Variants in PRMT1 observed in about 807,000 individuals in gnomAD.
The protein encoded by PRMT1 is protein arginine methyltransferase 1.
PRMT1 carries 5 observed loss-of-function variants against 47.4 expected under a neutral mutation model. The ratio of observed to expected loss-of-function variants is 0.11; its 90% CI spans 0.06 to 0.22. PRMT1 has a LOEUF of 0.22. Ranked by LOEUF, PRMT1 falls within the 10% of genes least tolerant of loss-of-function variation. The pLI, the probability that PRMT1 is intolerant of heterozygous loss-of-function variation, is 1.00. For missense variants in PRMT1, 249 were observed against 518.4 expected, an observed-to-expected ratio of 0.48 and a Z score of 5.05; for synonymous variants, 227 against 204.6, an observed-to-expected ratio of 1.11 and a Z score of -0.94.
chr19:49,683,872 G>A (rs1445064759), intron 5 of PRMT1, 55 bp from the exon 6 acceptor site: 4 of 1,578,248 alleles, frequency 2.5e-6, no homozygotes, highest in Non-Finnish European at 3.4e-6. Flanking sequence ...CGGGGGAGGT[G>A]AGGTGAGGGG....
At position 49,685,423 on chromosome 19, in the gene PRMT1, T is replaced by C. The variant is rs1599949022; in HGVS notation, c.759+386T>C. On this transcript the variant is annotated intron_variant, in intron 8 of 10. Coordinates refer to ENST00000454376, the MANE Select transcript of PRMT1 (RefSeq NM_001536.6). This position sits in a 1 kb window ranked among gnomAD's most constrained non-coding sequence, Gnocchi z 4.7. ...CTGAGGTCCCAGCTACTCGGGAGGA[T>C]CACTTGGGCCTGGGAGTTCAAGGCT... 6.7e-6 allele frequency: 8 copies of C among 1,189,182 alleles called. No individual in the cohort carries two copies. The South Asian group carries it at 1.2e-4, about 18-fold the overall frequency. 73.7% of individuals were successfully genotyped at this position (1,189,182 alleles called of 1,614,324 possible).
In PRMT1 at chr19:49,688,446, G is replaced by C; in HGVS notation, c.*201G>C. ...ATTTACGCCAATAAATCCTCAGCTG[G>C]GGTCTGGCTTTGTTTCCTGGGGGCA... On this transcript the variant is annotated 3_prime_UTR_variant, in exon 11 of 11. Coordinates refer to ENST00000454376, the MANE Select transcript of PRMT1 (RefSeq NM_001536.6). This position sits in a 1 kb window ranked among gnomAD's most constrained non-coding sequence, Gnocchi z 5.3. 1 of 610,380 alleles carries C rather than the reference G, an allele frequency of 1.6e-6. No individual in the cohort carries two copies. The highest frequency in any genetic ancestry group is 2.8e-5 in the East Asian group (1 of 36,048). 37.8% of individuals were successfully genotyped at this position (610,380 alleles called of 1,614,324 possible).
At chr19:49,686,960 T>C (rs891452914) in intron 10 of PRMT1, among the ~76,000 whole-genome samples, 2 of 152,106 alleles carry the variant, frequency 1.3e-5, no homozygotes, top group Admixed American at 6.5e-5. Flanking sequence ...CCGGAAGTTA[T>C]GGGCCTGGGG....
chr19:49,684,632 G>A lies in PRMT1; in HGVS notation c.556-122G>A. 8.8e-7 allele frequency: 1 copy of A among 1,138,854 alleles called. No individual in the cohort carries two copies. Among genetic ancestry groups the A allele is most frequent in the South Asian group, 1.4e-5 (1 of 73,312 alleles). 70.5% of individuals were successfully genotyped at this position (1,138,854 alleles called of 1,614,324 possible). On this transcript the variant is annotated intron_variant, in intron 6 of 10. Coordinates refer to ENST00000454376, the MANE Select transcript of PRMT1 (RefSeq NM_001536.6). This position sits in a 1 kb window ranked among gnomAD's most constrained non-coding sequence, Gnocchi z 6.2. ...TGTGGGAAATAGACCAGGGGGCGAG[G>A]GGTGAGTGCCGCTGCGACATGAGGG... is the stretch of plus-strand genomic sequence containing the variant.
chr19:49,681,565 C>A lies in PRMT1; in HGVS notation c.193-345C>A, dbSNP rs1408625165. ...CCAACCTGGGCAATATGGTGAAACC[C>A]CATCTGTATGAAAAATACAAAAATT... On this transcript the variant is annotated intron_variant, in intron 3 of 10. Coordinates refer to ENST00000454376, the MANE Select transcript of PRMT1 (RefSeq NM_001536.6). The surrounding 1 kb of genome is among the most constrained non-coding windows in gnomAD (Gnocchi z 4.4). Among the ~76,000 whole-genome samples the A allele has an allele frequency of 6.6e-6, 1 of 151,962 alleles. No individual in the cohort carries two copies. Among genetic ancestry groups the A allele is most frequent in the Non-Finnish European group, 1.5e-5 (1 of 68,000 alleles).
intron 9 of PRMT1, 148 bp from the exon 10 acceptor site, chr19:49,686,457 C>T (rs2082205716): frequency 2.5e-6 from 3 of 1,181,624 alleles, no homozygotes; most frequent in Admixed American, 2.8e-5. Context: ...GACACGGTCC[C>T]TGTCTCCAAA....
At chr19:49,682,634 C>T (rs764587971) in intron 5 of PRMT1, among the ~76,000 whole-genome samples, 8 of 152,124 alleles carry the variant, frequency 5.3e-5, no homozygotes, top group African/African-American at 1.7e-4. Flanking sequence ...TTTACATTCT[C>T]GTGCATAATT....
chr19:49,680,330 C>T lies in PRMT1; in HGVS notation c.91-157C>T. ...AATGGGGTTGTTAGGTTTTGGGGTT[C>T]CTGGGGGGGCAAGATGGCAGGCGGG... On this transcript the variant is annotated intron_variant, in intron 2 of 10. Transcript: ENST00000454376. This position sits in a 1 kb window ranked among gnomAD's most constrained non-coding sequence, Gnocchi z 4.2. 1 of 1,198,078 alleles carries T rather than the reference C, an allele frequency of 8.3e-7. No individual in the cohort carries two copies. The highest frequency in any genetic ancestry group is 1.2e-6 in the Non-Finnish European group (1 of 820,408). 74.2% of individuals were successfully genotyped at this position (1,198,078 alleles called of 1,614,324 possible).
At position 49,685,284 on chromosome 19, in the gene PRMT1, G is replaced by A. The variant is rs1278818840; in HGVS notation, c.759+247G>A. 4 of 1,431,694 alleles carry A rather than the reference G, an allele frequency of 2.8e-6. No individual in the cohort carries two copies. The highest frequency in any genetic ancestry group is 3.7e-6 in the Non-Finnish European group (4 of 1,090,222). The allele number at this position is 1,431,694 out of a possible 1,614,324, so 88.7% of individuals were successfully genotyped here. A position where few individuals can be genotyped will look rare whatever the true frequency, so the allele number is the denominator to read the frequency against. ...GCGGAGGAAACACCCAAAGCTGGCA[G>A]CTAAAGCCCACAGCCCATGCACGGA... On this transcript the variant is annotated intron_variant, in intron 8 of 10. Transcript: ENST00000454376. This position sits in a 1 kb window ranked among gnomAD's most constrained non-coding sequence, Gnocchi z 4.7.
Position 49,683,946 on chromosome 19 carries a change from G to A in PRMT1, c.432G>A (p.Gly144=). The stretch of plus-strand genomic sequence containing the variant: ...CCGCAGTGGTGACCATCATCAAGGG[G>A]AAGGTGGAGGAGGTGGAGCTCCCAG... ...KLDHVVTIIK[G]KVEEVELPVE... is the part of the protein sequence containing the mutation. The change falls in exon 6 of 11, where the codon GGG becomes GGA. Residue 144 remains glycine, a synonymous_variant. Transcript: ENST00000454376. The A allele has an allele frequency of 6.2e-7, 1 of 1,613,898 alleles. No homozygotes were observed. Among genetic ancestry groups the A allele is most frequent in the South Asian group, 1.1e-5 (1 of 91,078 alleles).
Position 49,682,198 on chromosome 19 carries a change from C to T in PRMT1, c.351C>T (p.Ile117=), listed in dbSNP as rs1047230348. 17 of 1,613,948 alleles carry T rather than the reference C, an allele frequency of 1.1e-5. No homozygotes were observed. Among genetic ancestry groups the T allele is most frequent in the Non-Finnish European group, 1.4e-5 (16 of 1,180,018 alleles). The change falls in exon 5 of 11, where the codon ATC becomes ATT. Residue 117 remains isoleucine (I), a splice_region_variant and synonymous_variant. Transcript: ENST00000454376. ...AKAGARKVIG[I]ECSSISDYAV... Reference sequence around the variant, plus strand: ...CTCCCTTCTTCCTGGGCCCTCAGATCGAGTGTTCCAGTATCTCTGATTATG... The same window carrying T: ...CTCCCTTCTTCCTGGGCCCTCAGATTGAGTGTTCCAGTATCTCTGATTATG...
chr19:49,678,882 CTTT>C (rs777584653), intron 1 of PRMT1, among the ~76,000 whole-genome samples: 5 of 132,740 alleles, frequency 3.8e-5, no homozygotes, highest in Non-Finnish European at 3.2e-5. Context: ...CCCCAAGCCA[CTTT>C]TTTTTTTTTT....
At chr19:49,686,349 C>T (rs868162607) in intron 9 of PRMT1, 106 bp downstream of exon 9, 57 of 1,416,540 alleles carry the variant, frequency 4.0e-5, no homozygotes, top group East Asian at 5.0e-5. Context: ...CATGGGGACA[C>T]GCGTGTTCCA....
chr19:49,686,558 TGGG>T (rs373572931), intron 9 of PRMT1, 44 bp from the exon 10 acceptor site: 46 of 638,266 alleles, frequency 7.2e-5, no homozygotes, highest in South Asian at 6.7e-4. Flanking sequence ...AGGGTGGGGT[TGGG>T]GGGGGCAGCA....
Position 49,680,021 on chromosome 19 carries a change from C to G in PRMT1, c.90+96C>G, listed in dbSNP as rs1470198743. The G allele has an allele frequency of 5.9e-6, 8 of 1,345,660 alleles. No individual in the cohort carries two copies. Among genetic ancestry groups the G allele is most frequent in the Non-Finnish European group, 8.3e-6 (8 of 958,330 alleles). The allele number at this position is 1,345,660 out of a possible 1,614,324, so 83.4% of individuals were successfully genotyped here. A position where few individuals can be genotyped will look rare whatever the true frequency, so the allele number is the denominator to read the frequency against. ...CCTTTCTTGAGGTCTAACCATACCC[C>G]TCTTGCTTCAAACCAGTTTACCCCA... On this transcript the variant is annotated intron_variant, in intron 2 of 10. Coordinates refer to ENST00000454376, the MANE Select transcript of PRMT1 (RefSeq NM_001536.6). This position sits in a 1 kb window ranked among gnomAD's most constrained non-coding sequence, Gnocchi z 4.2.
rs1238865073 is a variant in PRMT1 at position 49,685,705 on chromosome 19, T to G, written c.760-388T>G. ...AGGGACCCCACTCGGGCCACCCTCC[T>G]GAGAGCCAGGGGAACTGGCGCAGGG... On this transcript the variant is annotated intron_variant, in intron 8 of 10. Transcript: ENST00000454376. The surrounding 1 kb of genome is among the most constrained non-coding windows in gnomAD (Gnocchi z 4.7). 1 of 1,049,672 alleles carries G rather than the reference T, an allele frequency of 9.5e-7. No individual in the cohort carries two copies. Among genetic ancestry groups the G allele is most frequent in the Non-Finnish European group, 1.1e-6 (1 of 869,610 alleles). 65.0% of individuals were successfully genotyped at this position (1,049,672 alleles called of 1,614,324 possible). A position where few individuals can be genotyped will look rare whatever the true frequency, so the allele number is the denominator to read the frequency against.
chr19:49,683,598 G>T (rs144472805), intron 5 of PRMT1: 9,354 of 217,048 alleles, frequency 0.043, 930 homozygotes, highest in African/African-American at 0.21. Context: ...TGAAGCAGGA[G>T]AATGGCGTGA....
chr19:49,679,487 G>A, intron 1 of PRMT1: 3 of 512,796 alleles, frequency 5.9e-6, no homozygotes, highest in Non-Finnish European at 1.1e-5. Flanking sequence ...CCTAGGATAG[G>A]GGTGTGTGTG....
chr19:49,681,979 A>G lies in PRMT1; in HGVS notation c.262A>G (p.Lys88Glu). Residue 88 changes from lysine to glutamate, a missense_variant, in exon 4 of 11, where the codon AAG (lysine) becomes GAG (glutamate). This residue lies in a region of PRMT1 where 190 missense variants were observed against 456.7 expected (regional missense o/e 0.42). Transcript: ENST00000454376. The surrounding 1 kb of genome is among the most constrained non-coding windows in gnomAD (Gnocchi z 4.4). ...NSMFHNRHLF[K>E]DKVVLDVGSG... ...CATGTTTCATAACCGGCACCTCTTC[A>G]AGGACAAGGTGGTGCTGGACGTCGG... 6.2e-7 allele frequency: 1 copy of G among 1,614,144 alleles called. No individual in the cohort carries two copies. The highest frequency in any genetic ancestry group is 8.5e-7 in the Non-Finnish European group (1 of 1,180,024).
Sources: gnomAD v4.1 joint callset for allele counts (sites outside exome capture counted in the v4.1 genomes callset) on GRCh38, gnomAD v4.1.1 for gene constraint, gnomAD v4.1.1 regional missense constraint, Gnocchi (gnomAD v3.1) non-coding constraint, MANE v1.5 for transcripts, NCBI Gene and HGNC (gene_info 2026-07-23, HGNC 2026-07-21) for gene names.